Variants in FMN2 observed in about 807,000 individuals in gnomAD.
The protein encoded by FMN2 is formin 2.
Under a neutral mutation model 142.3 loss-of-function variants are expected in FMN2, and 51 were observed. That is an observed-to-expected ratio of 0.36 (90% confidence interval 0.29 to 0.45). The LOEUF is 0.45. Among genes scored for constraint, FMN2 ranks in the 20% least tolerant of loss-of-function variants. The pLI is 1.00. For missense variants in FMN2, 1,936 were observed against 2,122.8 expected (o/e 0.91, Z 1.73); for synonymous variants, 882 against 869.8 (o/e 1.01, Z -0.25).
chr1:240,222,758 T>G (rs1667166481), intron 6 of FMN2, among the ~76,000 whole-genome samples: 1 of 152,184 alleles, frequency 6.6e-6, no homozygotes. Flanking sequence ...GTAGCAATTG[T>G]GAATGGGAGT....
At position 240,207,728 on chromosome 1, in the gene FMN2, A is replaced by C. The variant is rs150923193; in HGVS notation, c.2916A>C (p.Gly972=). The C allele has an allele frequency of 7.7e-7, 1 of 1,291,326 alleles. No individual in the cohort carries two copies. The highest frequency in any genetic ancestry group is 1.1e-6 in the Non-Finnish European group (1 of 946,660). The allele number at this position is 1,291,326 out of a possible 1,614,324, so 80.0% of individuals were successfully genotyped here. ...AGIPLPPPLP[G]AGIPPPPPLP... ...TACCCCTTCCTCCCCCTCTTCCCGG[A>C]GCAGGAATACCTCCTCCACCCCCTC... The change falls in exon 5 of 18, where the codon GGA becomes GGC. Residue 972 remains glycine (G), a synonymous_variant. Coordinates refer to ENST00000319653, the MANE Select transcript of FMN2 (RefSeq NM_020066.5).
At chr1:240,448,645 G>A (rs1340913903) in intron 16 of FMN2, among the ~76,000 whole-genome samples, 2 of 151,972 alleles carry the variant, frequency 1.3e-5, no homozygotes, top group Non-Finnish European at 2.9e-5. Flanking sequence ...GGGAGACCCT[G>A]TCTCTACAAA....
chr1:240,371,172 C>T (rs1262177854), intron 14 of FMN2, among the ~76,000 whole-genome samples: 2 of 152,054 alleles, frequency 1.3e-5, no homozygotes, highest in Admixed American at 1.3e-4. Flanking sequence ...ATTGGCCAAG[C>T]TGGTCTTGAA....
At chr1:240,283,970 GTTGCTTTCCTC>G (rs981832250) in intron 7 of FMN2, among the ~76,000 whole-genome samples, 5 of 152,074 alleles carry the variant, frequency 3.3e-5, no homozygotes, top group African/African-American at 1.2e-4. Context: ...ATTTCTTCTT[GTTGCTTTCCTC>G]TTTCCTCCTT....
At chr1:240,452,169 C>T (rs950973704) in intron 16 of FMN2, among the ~76,000 whole-genome samples, 6 of 151,748 alleles carry the variant, frequency 4.0e-5, no homozygotes, top group Admixed American at 6.6e-5. Flanking sequence ...CCAGCCTGGG[C>T]GACAGAGCAA....
At chr1:240,341,795 ATATTAGGTT>A (rs1447483813) in intron 13 of FMN2, among the ~76,000 whole-genome samples, 3 of 152,186 alleles carry the variant, frequency 2.0e-5, no homozygotes, top group Non-Finnish European at 4.4e-5. Flanking sequence ...CCCTGTGGGC[ATATTAGGTT>A]TATTGTAGAT....
At chr1:240,376,088 G>T (rs1673033732) in intron 14 of FMN2, among the ~76,000 whole-genome samples, 2 of 151,676 alleles carry the variant, frequency 1.3e-5, no homozygotes, top group Non-Finnish European at 2.9e-5. Flanking sequence ...CTTTTTTCCT[G>T]GTACTATATC....
At chr1:240,337,915 C>T (rs72766291) in intron 13 of FMN2, among the ~76,000 whole-genome samples, 28,006 of 152,066 alleles carry the variant, frequency 0.18, 3,387 homozygotes, top group African/African-American at 0.33. Context: ...CTGAGCTCAG[C>T]GACTTGTAGT....
chr1:240,219,652 T>A (rs1395091930), intron 6 of FMN2, among the ~76,000 whole-genome samples: 2 of 152,114 alleles, frequency 1.3e-5, no homozygotes, highest in Non-Finnish European at 1.5e-5. Context: ...GTTTTAAAAT[T>A]TTTTGTATTT....
intron 2 of FMN2, among the ~76,000 whole-genome samples, chr1:240,157,177 A>G (rs933442231): frequency 2.6e-5 from 4 of 152,244 alleles, no homozygotes; most frequent in Non-Finnish European, 5.9e-5. Flanking sequence ...AATACTTTAT[A>G]TAGCTACCTT....
At position 240,097,258 on chromosome 1, in the gene FMN2, T is replaced by C. The variant is rs921178969; in HGVS notation, c.1615+3534T>C. On this transcript the variant is annotated intron_variant, in intron 1 of 17. Coordinates refer to ENST00000319653, the MANE Select transcript of FMN2 (RefSeq NM_020066.5). ...GTGATGTCCTCAACAGCTATTGAAG[T>C]GTGTGGGCTGTTGGCTTCAGTCTGT... 4.6e-5 allele frequency among the ~76,000 whole-genome samples: 7 copies of C among 152,244 alleles called. No homozygotes were observed. The East Asian group carries it at 1.4e-3, about 29-fold the overall frequency.
chr1:240,157,974 TAA>T (rs369527022), intron 2 of FMN2, among the ~76,000 whole-genome samples: 7 of 73,716 alleles, frequency 9.5e-5, no homozygotes, highest in South Asian at 4.8e-4. Flanking sequence ...CTGTCTCTAC[TAA>T]AAAAAAAAAA....
chr1:240,159,074 G>T (rs1490094721), intron 2 of FMN2, among the ~76,000 whole-genome samples: 2 of 152,046 alleles, frequency 1.3e-5, no homozygotes, highest in African/African-American at 4.8e-5. Flanking sequence ...TCCATCATTT[G>T]CATTATCTAA....
At chr1:240,394,657 A>G (rs891556532) in intron 15 of FMN2, among the ~76,000 whole-genome samples, 3 of 152,206 alleles carry the variant, frequency 2.0e-5, no homozygotes, top group African/African-American at 7.2e-5. Flanking sequence ...AGAGAAGTCA[A>G]TGCCTGACTT....
chr1:240,214,374 AC>A (rs540576564), intron 6 of FMN2, among the ~76,000 whole-genome samples: 1,547 of 151,592 alleles, frequency 0.01, 27 homozygotes, highest in African/African-American at 0.036. Context: ...ACATGTAGAA[AC>A]CCCGTCTCTA....
intron 1 of FMN2, among the ~76,000 whole-genome samples, chr1:240,113,870 C>T (rs933007269): frequency 6.6e-6 from 1 of 152,120 alleles, no homozygotes; most frequent in African/African-American, 2.4e-5. Context: ...AAACTGTGTT[C>T]GTATCTCTTG....
At chr1:240,452,006 AC>A (rs1676066047) in intron 16 of FMN2, among the ~76,000 whole-genome samples, 3 of 151,732 alleles carry the variant, frequency 2.0e-5, no homozygotes, top group African/African-American at 7.3e-5. Context: ...CCTGGCTAAC[AC>A]AGTGAAACCC....
At chr1:240,391,657 C>T (rs1317820755) in intron 14 of FMN2, among the ~76,000 whole-genome samples, 1 of 151,928 alleles carries the variant, frequency 6.6e-6, no homozygotes, top group Non-Finnish European at 1.5e-5. Flanking sequence ...TTTAGCAGGT[C>T]CCAACTAATG....
intron 15 of FMN2, among the ~76,000 whole-genome samples, chr1:240,437,324 G>A (rs908815207): frequency 2.2e-5 from 3 of 134,462 alleles, no homozygotes; most frequent in African/African-American, 8.5e-5. Flanking sequence ...GACGGAGTCT[G>A]GCTCTGTTGC....
Sources: allele counts gnomAD v4.1 joint callset (sites outside exome capture counted in the v4.1 genomes callset), GRCh38; gene constraint gnomAD v4.1.1; transcripts MANE v1.5; gene names NCBI Gene and HGNC (gene_info 2026-07-23, HGNC 2026-07-21).